AUTS2: variants seen among roughly 807,000 people sequenced by gnomAD.
AUTS2 encodes activator of transcription and developmental regulator AUTS2, also known as autism susceptibility gene 2 protein.
In AUTS2, 17 loss-of-function variants were observed where a neutral mutation model predicts 112.4. The observed-to-expected ratio is 0.15, with a 90% CI of 0.10 to 0.23. The LOEUF (loss-of-function observed/expected upper bound fraction) is 0.23, where lower values mean the gene tolerates loss of function less well. Ranked by LOEUF, AUTS2 falls within the 10% of genes least tolerant of loss-of-function variation. The pLI is 1.00. For synonymous variants in AUTS2, 751 were observed against 702.7 expected (o/e 1.07, Z -1.09); for missense variants, 1,510 against 1,701.6 (o/e 0.89, Z 1.98).
intron 4 of AUTS2, among the ~76,000 whole-genome samples, chr7:70,282,109 C>A (rs1788245566): frequency 6.6e-6 from 1 of 152,172 alleles, no homozygotes; most frequent in African/African-American, 2.4e-5. Flanking sequence ...GGTACCCATA[C>A]CTTCCCTGGG....
intron 6 of AUTS2, among the ~76,000 whole-genome samples, chr7:70,739,280 G>A (rs372191820): frequency 1.3e-5 from 2 of 151,080 alleles, no homozygotes; most frequent in African/African-American, 4.9e-5. Context: ...CTCCTGCCTC[G>A]GTCTCCCGAG....
intron 5 of AUTS2, among the ~76,000 whole-genome samples, chr7:70,553,361 C>T (rs1247192714): frequency 6.6e-6 from 1 of 152,182 alleles, no homozygotes; most frequent in African/African-American, 2.4e-5. Context: ...GCACCTATTA[C>T]CAGGACACCA....
At chr7:69,732,036 A>G (rs924090530) in intron 1 of AUTS2, among the ~76,000 whole-genome samples, 9 of 151,960 alleles carry the variant, frequency 5.9e-5, no homozygotes, top group African/African-American at 2.2e-4. Context: ...TCACTAGCCT[A>G]GTATCACAGT....
At position 70,024,731 on chromosome 7, in the gene AUTS2, G is replaced by A. The variant is rs1234951700; in HGVS notation, c.523-93401G>A. ...GGCGAGTCTGAAATCTGTAGGGCAAGCAGTAGGTTGGAAATTTGGCAAGAG... is the reference window on the plus strand; with the variant it reads ...GGCGAGTCTGAAATCTGTAGGGCAAACAGTAGGTTGGAAATTTGGCAAGAG... On this transcript the variant is annotated intron_variant, in intron 2 of 18. Coordinates refer to ENST00000342771, the MANE Select transcript of AUTS2 (RefSeq NM_015570.4). Among the ~76,000 whole-genome samples the A allele has an allele frequency of 2.0e-5, 3 of 152,112 alleles. 1 individual carries two copies. The highest frequency in any genetic ancestry group is 4.1e-4 in the South Asian group (2 of 4,826).
intron 5 of AUTS2, among the ~76,000 whole-genome samples, chr7:70,578,926 CTT>C (rs71077663): frequency 4.5e-5 from 6 of 132,330 alleles, no homozygotes; most frequent in Admixed American, 7.7e-5. Flanking sequence ...TTTTTTCTTT[CTT>C]TTTTTTTTTT....
chr7:70,520,500 C>G (rs1318895067), intron 5 of AUTS2, among the ~76,000 whole-genome samples: 6 of 152,214 alleles, frequency 3.9e-5, no homozygotes, highest in Non-Finnish European at 5.9e-5. Flanking sequence ...CTGGCTTCCT[C>G]CTTTCATCCA....
At chr7:69,695,864 G>T (rs1020585004) in intron 1 of AUTS2, among the ~76,000 whole-genome samples, 2 of 151,962 alleles carry the variant, frequency 1.3e-5, no homozygotes, top group Non-Finnish European at 2.9e-5. Flanking sequence ...TTTTAAGCAC[G>T]GTTTCTTGGT....
intron 2 of AUTS2, among the ~76,000 whole-genome samples, chr7:70,072,147 T>C (rs1296180019): frequency 6.6e-6 from 1 of 152,230 alleles, no homozygotes; most frequent in African/African-American, 2.4e-5. Flanking sequence ...TTAATTTTTC[T>C]TTTCTTCTTT....
intron 4 of AUTS2, among the ~76,000 whole-genome samples, chr7:70,168,311 C>T (rs1808487219): frequency 1.3e-5 from 2 of 152,106 alleles, no homozygotes; most frequent in Admixed American, 6.5e-5. Flanking sequence ...TTTCTAAACT[C>T]TCCCAATATT....
intron 5 of AUTS2, among the ~76,000 whole-genome samples, chr7:70,605,288 G>A (rs953006665): frequency 3.9e-5 from 6 of 152,168 alleles, no homozygotes; most frequent in African/African-American, 1.2e-4. Flanking sequence ...GGTTTTTGAC[G>A]TTGGCTAACC....
chr7:70,304,467 T>G (rs1005755339), intron 4 of AUTS2, among the ~76,000 whole-genome samples: 4 of 152,186 alleles, frequency 2.6e-5, no homozygotes, highest in African/African-American at 9.6e-5. Context: ...CGTGGCAGTG[T>G]CGGCATCAAT....
At position 70,791,738 on chromosome 7, in the gene AUTS2, T is replaced by C. The variant is rs1791977699; in HGVS notation, c.*742T>C. On this transcript the variant is annotated 3_prime_UTR_variant, in exon 19 of 19. Transcript: ENST00000342771. ...ATGACTCTGTTTTCCTTGCTTGTTT[T>C]TTTTCAAACGGAGAAACATCCTGTT... 6.6e-6 allele frequency: 1 copy of C among 152,362 alleles called. No homozygotes were observed. Among genetic ancestry groups the C allele is most frequent in the Admixed American group, 6.5e-5 (1 of 15,286 alleles). The allele number at this position is 152,362 out of a possible 1,614,324, so 9.4% of individuals were successfully genotyped here.
At chr7:70,749,056 G>C (rs1397425559) in intron 6 of AUTS2, among the ~76,000 whole-genome samples, 1 of 152,110 alleles carries the variant, frequency 6.6e-6, no homozygotes, top group African/African-American at 2.4e-5. Context: ...GGAGCTCCCT[G>C]TTGCTGGCTT....
At chr7:70,230,290 T>G (rs966708683) in intron 4 of AUTS2, among the ~76,000 whole-genome samples, 1 of 152,214 alleles carries the variant, frequency 6.6e-6, no homozygotes, top group Admixed American at 6.5e-5. Context: ...TTACTTTAGT[T>G]TCTTACTGGA....
rs79453609 is a variant in AUTS2 at position 69,818,423 on chromosome 7, G to A, written c.310-80863G>A. Among the ~76,000 whole-genome samples the A allele has an allele frequency of 2.9e-3, 442 of 152,274 alleles. 5 individuals are homozygous for A. Among genetic ancestry groups the A allele is most frequent in the African/African-American group, 0.01 (428 of 41,552 alleles). On this transcript the variant is annotated intron_variant, in intron 1 of 18. Transcript: ENST00000342771. Reference sequence around the variant, plus strand: ...CCCGAGATTGTATATTATTAAACTGGAGTCTGCATGTACATGTCAGTTTAT... The same window carrying A: ...CCCGAGATTGTATATTATTAAACTGAAGTCTGCATGTACATGTCAGTTTAT...
intron 2 of AUTS2, among the ~76,000 whole-genome samples, chr7:70,111,113 T>C (rs1805065019): frequency 6.6e-6 from 1 of 151,922 alleles, no homozygotes; most frequent in African/African-American, 2.4e-5. Context: ...TCTCCTGACC[T>C]CATGATCCGC....
At chr7:70,355,138 A>C (rs970928039) in intron 4 of AUTS2, among the ~76,000 whole-genome samples, 1 of 151,474 alleles carries the variant, frequency 6.6e-6, no homozygotes, top group Non-Finnish European at 1.5e-5. Context: ...ATATACGGAG[A>C]GAGATTTCTG....
At chr7:70,344,294 C>A (rs2129621223) in intron 4 of AUTS2, among the ~76,000 whole-genome samples, 1 of 152,152 alleles carries the variant, frequency 6.6e-6, no homozygotes, top group South Asian at 2.1e-4. Context: ...GAACCTAGGG[C>A]AGAAAAAAAT....
chr7:70,764,853 G>A lies in AUTS2; in HGVS notation c.1316G>A (p.Ser439Asn). Reference protein sequence around the residue: ...SPFPLSLPNHSPLHSFTPTLQ... With the variant: ...SPFPLSLPNHNPLHSFTPTLQ... The stretch of plus-strand genomic sequence containing the variant: ...TTCCCCCTCTCCCTGCCCAACCACA[G>A]CCCCCTGCACAGCTTCACACCCACC... Residue 439 changes from serine (S) to asparagine (N), a missense_variant, in exon 8 of 19, where the codon AGC becomes AAC. By Grantham distance (46) the Ser-to-Asn change is conservative. Coordinates refer to ENST00000342771, the MANE Select transcript of AUTS2 (RefSeq NM_015570.4). The A allele has an allele frequency of 4.3e-6, 4 of 938,976 alleles. No homozygotes were observed. The highest frequency in any genetic ancestry group is 4.2e-6 in the Non-Finnish European group (3 of 707,700). The allele number at this position is 938,976 out of a possible 1,614,324, so 58.2% of individuals were successfully genotyped here.
Sources: allele counts gnomAD v4.1 joint callset (sites outside exome capture counted in the v4.1 genomes callset), GRCh38; gene constraint gnomAD v4.1.1; transcripts MANE v1.5; gene names NCBI Gene and HGNC (gene_info 2026-07-23, HGNC 2026-07-21).